Variants in AKAP19 observed in about 807,000 individuals in gnomAD.
AKAP19 encodes the protein small A-kinase anchoring protein.
At chr2:190,019,214 A>C in the AKAP19 span, among the ~76,000 whole-genome samples, 1 of 152,178 alleles carries the variant, frequency 6.6e-6, no homozygotes, top group African/African-American at 2.4e-5. Flanking sequence ...ACTCCCAGGT[A>C]GGGAAGGTCT....
chr2:189,981,942 T>C, the AKAP19 span, among the ~76,000 whole-genome samples: 1 of 152,164 alleles, frequency 6.6e-6, no homozygotes, highest in African/African-American at 2.4e-5. Flanking sequence ...GATTTTCTTC[T>C]TTCACATTGA....
chr2:189,923,354 A>G, the AKAP19 span: 1 of 1,612,488 alleles, frequency 6.2e-7, no homozygotes. Flanking sequence ...CAACGTTACC[A>G]ACAAGACAGA....
chr2:190,003,983 T>C, the AKAP19 span, among the ~76,000 whole-genome samples: 1 of 152,218 alleles, frequency 6.6e-6, no homozygotes, highest in Non-Finnish European at 1.5e-5. Context: ...TCTTAATTTG[T>C]AATGTTTCCA....
the AKAP19 span, among the ~76,000 whole-genome samples, chr2:189,894,874 A>T: frequency 6.6e-6 from 1 of 151,780 alleles, no homozygotes; most frequent in South Asian, 2.1e-4. Flanking sequence ...ATATATTTAA[A>T]ATGTAAAGGC....
the AKAP19 span, among the ~76,000 whole-genome samples, chr2:190,003,121 T>C: frequency 6.6e-6 from 1 of 152,144 alleles, no homozygotes; most frequent in Non-Finnish European, 1.5e-5. Flanking sequence ...CGTTTTCTGA[T>C]AGAACACTAT....
chr2:190,058,214 C>T, the AKAP19 span, among the ~76,000 whole-genome samples: 1 of 151,964 alleles, frequency 6.6e-6, no homozygotes, highest in East Asian at 1.9e-4. Flanking sequence ...TGTTTCTATT[C>T]AGGTATTTAA....
At chr2:189,920,506 A>G in the AKAP19 span, among the ~76,000 whole-genome samples, 1 of 152,248 alleles carries the variant, frequency 6.6e-6, no homozygotes, top group Non-Finnish European at 1.5e-5. Context: ...CTGGATGGAT[A>G]TGCCTAGCTA....
chr2:189,933,787 A>T, the AKAP19 span, among the ~76,000 whole-genome samples: 1 of 151,890 alleles, frequency 6.6e-6, no homozygotes, highest in Non-Finnish European at 1.5e-5. Flanking sequence ...AACCTGCTTA[A>T]CTCTCTTTAG....
the AKAP19 span, among the ~76,000 whole-genome samples, chr2:189,984,236 A>C: frequency 2.6e-5 from 4 of 152,112 alleles, no homozygotes; most frequent in African/African-American, 4.8e-5. Flanking sequence ...GGGAGACTGG[A>C]GTCTATCTCA....
At chr2:190,089,881 C>A in the AKAP19 span, among the ~76,000 whole-genome samples, 1 of 152,102 alleles carries the variant, frequency 6.6e-6, no homozygotes, top group Non-Finnish European at 1.5e-5. Context: ...CCCCAAATGC[C>A]CTCCACAAAT....
At chr2:190,123,152 A>C in the AKAP19 span, among the ~76,000 whole-genome samples, 4 of 152,120 alleles carry the variant, frequency 2.6e-5, no homozygotes, top group Admixed American at 6.5e-5. Flanking sequence ...TAAGAACTTG[A>C]ATATTTTAAT....
the AKAP19 span, among the ~76,000 whole-genome samples, chr2:190,040,769 T>G: frequency 5.5e-4 from 83 of 152,224 alleles, no homozygotes; most frequent in Admixed American, 8.5e-4. Flanking sequence ...CACCATTTGT[T>G]AAATAGAGAG....
chr2:190,193,665 C>T, the AKAP19 span, among the ~76,000 whole-genome samples: 2 of 152,020 alleles, frequency 1.3e-5, no homozygotes, highest in Non-Finnish European at 2.9e-5. Flanking sequence ...GCCTTTTAAA[C>T]GTATATAGAT....
chr2:190,183,483 T>C, the AKAP19 span, among the ~76,000 whole-genome samples: 1 of 152,178 alleles, frequency 6.6e-6, no homozygotes, highest in Admixed American at 6.5e-5. Flanking sequence ...CTTAGCAAAT[T>C]GTTAGTTCCT....
the AKAP19 span, chr2:190,079,859 G>A: frequency 1.4e-5 from 1 of 71,122 alleles, no homozygotes. Flanking sequence ...AATGAGGGGT[G>A]TGTGTGTGTG....
chr2:190,097,472 G>C, the AKAP19 span, among the ~76,000 whole-genome samples: 1 of 152,144 alleles, frequency 6.6e-6, no homozygotes. Context: ...TTGCCACATA[G>C]ATTGACTTTT....
At chr2:190,046,251 T>C in the AKAP19 span, among the ~76,000 whole-genome samples, 5 of 152,218 alleles carry the variant, frequency 3.3e-5, no homozygotes. Flanking sequence ...GCCACTCCCA[T>C]TCTGAAGTTT....
chr2:189,971,004 T>A, the AKAP19 span, among the ~76,000 whole-genome samples: 1 of 152,228 alleles, frequency 6.6e-6, no homozygotes, highest in Non-Finnish European at 1.5e-5. Context: ...ATTATTATAC[T>A]TTAAGTTCTA....
At chr2:190,060,029 G>A in the AKAP19 span, 1 of 1,596,000 alleles carries the variant, frequency 6.3e-7, no homozygotes, top group Non-Finnish European at 8.6e-7. Flanking sequence ...AAAACATAAG[G>A]TTATTATAAT....
Sources: allele counts gnomAD v4.1 joint callset (sites outside exome capture counted in the v4.1 genomes callset), GRCh38; gene constraint gnomAD v4.1.1; transcripts MANE v1.5; gene names NCBI Gene and HGNC (gene_info 2026-07-23, HGNC 2026-07-21).